The following CYP2C8 variants were observed in gnomAD, a reference collection of about 807,000 sequenced individuals.
CYP2C8 encodes the protein cytochrome P450 2C8.
A neutral mutation model predicts 41.3 loss-of-function variants in CYP2C8; 51 were observed. The observed-to-expected ratio is 1.24, with a 90% CI of 0.99 to 1.56. The LOEUF (loss-of-function observed/expected upper bound fraction) is 1.56. CYP2C8 is among the 40% of genes most tolerant of loss of function. CYP2C8 has a pLI of 0.00. For missense variants in CYP2C8, 651 were observed against 579.9 expected (o/e 1.12, Z -1.26); for synonymous variants, 218 against 205.8 (o/e 1.06, Z -0.51).
intron 4 of CYP2C8, among the ~76,000 whole-genome samples, chr10:95,063,874 G>A (rs538908787): frequency 1.6e-4 from 24 of 152,262 alleles, no homozygotes; most frequent in East Asian, 7.7e-4. Flanking sequence ...ATCCTCAGCC[G>A]CGAGTCTGCT....
At chr10:95,059,012 A>T (rs1239440118) in intron 4 of CYP2C8, among the ~76,000 whole-genome samples, 1 of 152,006 alleles carries the variant, frequency 6.6e-6, no homozygotes, top group Non-Finnish European at 1.5e-5. Context: ...CATGGTGTCT[A>T]TGTGCCACAT....
At chr10:95,057,341 TATATG>T (rs1310031542) in intron 5 of CYP2C8, among the ~76,000 whole-genome samples, 1 of 152,186 alleles carries the variant, frequency 6.6e-6, no homozygotes, top group Non-Finnish European at 1.5e-5. Flanking sequence ...AATTGGGTGA[TATATG>T]GTATATGAAT....
chr10:95,066,644 A>G (rs2033574265), intron 3 of CYP2C8, among the ~76,000 whole-genome samples: 1 of 152,320 alleles, frequency 6.6e-6, no homozygotes, highest in Middle Eastern at 3.4e-3. Flanking sequence ...CTGTACTGAG[A>G]TATACCTAAG....
rs530118899 is a variant in CYP2C8 at position 95,058,908 on chromosome 10, C to T, written c.643-397G>A. 5.9e-5 allele frequency among the ~76,000 whole-genome samples: 9 copies of T among 151,522 alleles called. No homozygotes were observed. The South Asian group carries it at 1.9e-3, about 31-fold the overall frequency. On this transcript the variant is annotated intron_variant, in intron 4 of 8. Transcript: ENST00000371270. The stretch of plus-strand genomic sequence containing the variant: ...AATATGCAGTGTTTGGTTTTTTTGT[C>T]CTTGTGATAGTATGCTGAGAACGAT...
At chr10:95,044,624 T>C (rs1564734945) in intron 6 of CYP2C8, among the ~76,000 whole-genome samples, 1 of 152,160 alleles carries the variant, frequency 6.6e-6, no homozygotes, top group Non-Finnish European at 1.5e-5. Flanking sequence ...CTTTTTTTTT[T>C]CTGTCTTCAC....
chr10:95,044,253 A>C (rs1222257562), intron 6 of CYP2C8, among the ~76,000 whole-genome samples: 1 of 152,190 alleles, frequency 6.6e-6, no homozygotes, highest in Non-Finnish European at 1.5e-5. Flanking sequence ...TGTAGCAACC[A>C]TGTAGGTCCC....
chr10:95,060,771 G>A (rs925457655), intron 4 of CYP2C8, among the ~76,000 whole-genome samples: 7 of 152,064 alleles, frequency 4.6e-5, no homozygotes, highest in Admixed American at 3.3e-4. Context: ...TATGATACTG[G>A]CTGTGGGTTT....
chr10:95,043,885 C>CAT (rs2033058341), intron 6 of CYP2C8, among the ~76,000 whole-genome samples: 1 of 151,986 alleles, frequency 6.6e-6, no homozygotes, highest in African/African-American at 2.4e-5. Flanking sequence ...CACACACACA[C>CAT]ACATATACAC....
chr10:95,069,110 A>T, intron 1 of CYP2C8, 125 bp downstream of exon 1: 1 of 1,071,540 alleles, frequency 9.3e-7, no homozygotes, highest in Non-Finnish European at 1.4e-6. Context: ...AGAAGTTCAG[A>T]GGGAGTATTT....
chr10:95,064,085 C>G (rs996695494), intron 4 of CYP2C8, among the ~76,000 whole-genome samples: 1 of 152,224 alleles, frequency 6.6e-6, no homozygotes, highest in African/African-American at 2.4e-5. Flanking sequence ...CAGGGACCCA[C>G]TTGAGGAGAC....
chr10:95,062,878 T>C (rs2033469602), intron 4 of CYP2C8, among the ~76,000 whole-genome samples: 1 of 152,196 alleles, frequency 6.6e-6, no homozygotes, highest in Non-Finnish European at 1.5e-5. Flanking sequence ...TAAAGGATTT[T>C]ATTTCTCCTT....
chr10:95,061,312 T>C (rs2033423322), intron 4 of CYP2C8, among the ~76,000 whole-genome samples: 1 of 152,200 alleles, frequency 6.6e-6, no homozygotes, highest in African/African-American at 2.4e-5. Context: ...ATTGCCTCAA[T>C]TTCAGAGCCT....
chr10:95,046,046 C>A, intron 5 of CYP2C8, 95 bp from the exon 6 acceptor site: 1 of 1,405,308 alleles, frequency 7.1e-7, no homozygotes, highest in Non-Finnish European at 9.9e-7. Context: ...TAAAGTTAGC[C>A]AAAAGAGATA....
intron 3 of CYP2C8, among the ~76,000 whole-genome samples, chr10:95,066,480 A>G (rs61587934): frequency 0.012 from 1,893 of 152,282 alleles, 58 homozygotes; most frequent in African/African-American, 0.044. Flanking sequence ...AATTATTTAC[A>G]AATTAGTGTT....
chr10:95,062,618 T>C (rs533781179), intron 4 of CYP2C8, among the ~76,000 whole-genome samples: 2 of 152,342 alleles, frequency 1.3e-5, no homozygotes, highest in African/African-American at 2.4e-5. Flanking sequence ...TGTCTTTTAA[T>C]TGGAGCGTTT....
chr10:95,051,306 TAGAAG>T (rs1027809737), intron 5 of CYP2C8, among the ~76,000 whole-genome samples: 15 of 151,914 alleles, frequency 9.9e-5, no homozygotes, highest in African/African-American at 3.6e-4. Context: ...AAAATACTGT[TAGAAG>T]AGACAAAAGA....
At chr10:95,053,723 C>T (rs1242661872) in intron 5 of CYP2C8, among the ~76,000 whole-genome samples, 3 of 151,678 alleles carry the variant, frequency 2.0e-5, no homozygotes, top group Admixed American at 1.3e-4. Context: ...AATGAGAACA[C>T]ATGGACACAG....
Position 95,064,880 on chromosome 10 carries a change from C to A in CYP2C8, c.562G>T (p.Asp188Tyr). Residue 188 changes from aspartate to tyrosine, a missense_variant, in exon 4 of 9, where the codon GAT becomes TAT. Physicochemically the swap from Asp to Tyr is radical, Grantham distance 160. Coordinates refer to ENST00000371270, the MANE Select transcript of CYP2C8 (RefSeq NM_000770.3). ...ICSVVFQKRF[D>Y]YKDQNFLTLM... is the part of the protein sequence containing the mutation. ...GTGAGAAAATTCTGATCTTTATAAT[C>A]AAATCGTTTCTGGAAAACAACGGAG... 6.2e-7 allele frequency: 1 copy of A among 1,613,794 alleles called. No homozygotes were observed.
rs1306798903 is a variant in CYP2C8, at chr10:95,060,626, A to G, written c.643-2115T>C. Reference sequence around the variant, plus strand: ...TGAGTTCCTCTTTTTCTAACTGAATACCTTTTATTTCTTTCCCCTGCCTGA... The same window carrying G: ...TGAGTTCCTCTTTTTCTAACTGAATGCCTTTTATTTCTTTCCCCTGCCTGA... On this transcript the variant is annotated intron_variant, in intron 4 of 8. Transcript: ENST00000371270. Among the ~76,000 whole-genome samples, 3 of 152,084 alleles carry G rather than the reference A, an allele frequency of 2.0e-5. No homozygotes were observed. The East Asian group carries it at 5.8e-4, about 29-fold the overall frequency.
Sources: gnomAD v4.1 joint callset for allele counts (sites outside exome capture counted in the v4.1 genomes callset) on GRCh38, gnomAD v4.1.1 for gene constraint, MANE v1.5 for transcripts, NCBI Gene and HGNC (gene_info 2026-07-23, HGNC 2026-07-21) for gene names.